The following TXNL1 variants were observed in gnomAD, a reference collection of about 807,000 sequenced individuals.
TXNL1 encodes thioredoxin-like protein 1.
In TXNL1, 14 loss-of-function variants were observed where a neutral mutation model predicts 35.5. The ratio of observed to expected loss-of-function variants is 0.39; its 90% confidence interval spans 0.26 to 0.62. The LOEUF (loss-of-function observed/expected upper bound fraction) is 0.62, where lower values mean the gene tolerates loss of function less well. Ranked by LOEUF, TXNL1 falls within the 20% of genes least tolerant of loss-of-function variation. The probability of loss-of-function intolerance (pLI) is 0.47; values close to 1 mark genes in which losing one functional copy is unlikely to be tolerated. For missense variants in TXNL1, 263 were observed against 349.7 expected (o/e 0.75, Z 1.98); for synonymous variants, 110 against 115.5 (o/e 0.95, Z 0.31).
At chr18:56,620,789 T>G (rs1168832093) in intron 3 of TXNL1, among the ~76,000 whole-genome samples, 1 of 152,248 alleles carries the variant, frequency 6.6e-6, no homozygotes, top group Non-Finnish European at 1.5e-5. Context: ...AAACTTTGTA[T>G]GTCAAGTAAA....
chr18:56,629,828 G>T (rs2024342975), intron 1 of TXNL1, among the ~76,000 whole-genome samples: 1 of 152,116 alleles, frequency 6.6e-6, no homozygotes, highest in Admixed American at 6.5e-5. Flanking sequence ...CAAAAAGAGA[G>T]AATTTATGGG....
In TXNL1 at chr18:56,600,056, C is replaced by T. The variant is rs2144266225; in HGVS notation, c.*2971G>A. 6.6e-6 allele frequency: 1 copy of T among 152,298 alleles called. No homozygotes were observed. The highest frequency in any genetic ancestry group is 1.9e-4 in the East Asian group (1 of 5,186). 9.4% of individuals were successfully genotyped at this position (152,298 alleles called of 1,614,324 possible). A position where few individuals can be genotyped will look rare whatever the true frequency, so the allele number is the denominator to read the frequency against. On this transcript the variant is annotated 3_prime_UTR_variant, in exon 8 of 8. Transcript: ENST00000217515. ...AAGGGTGTAACTAATTTATTCAACT[C>T]CAACACTTTATTCTTATTACAGAAT...
intron 3 of TXNL1, among the ~76,000 whole-genome samples, chr18:56,619,633 G>A (rs1453396240): frequency 6.6e-6 from 1 of 151,238 alleles, no homozygotes; most frequent in East Asian, 1.9e-4. Flanking sequence ...TCAATACTTT[G>A]GATTTTACCG....
intron 1 of TXNL1, 147 bp downstream of exon 1, chr18:56,638,196 C>A: frequency 7.6e-6 from 6 of 784,942 alleles, no homozygotes; most frequent in Non-Finnish European, 1.2e-5. Flanking sequence ...ACCCGAGAAA[C>A]GAGGCCTAAT....
At chr18:56,634,800 T>C (rs1036135114) in intron 1 of TXNL1, among the ~76,000 whole-genome samples, 1 of 152,128 alleles carries the variant, frequency 6.6e-6, no homozygotes, top group Non-Finnish European at 1.5e-5. Context: ...AACAAAAGTA[T>C]AGATAAATTG....
chr18:56,622,024 A>T (rs1288145745), intron 3 of TXNL1, among the ~76,000 whole-genome samples: 3 of 151,724 alleles, frequency 2.0e-5, no homozygotes, highest in Non-Finnish European at 4.4e-5. Context: ...AAAAAAAAAA[A>T]AAAAAATTAA....
At chr18:56,621,204 ATTTTTTT>A (rs34382500) in intron 3 of TXNL1, among the ~76,000 whole-genome samples, 1 of 126,170 alleles carries the variant, frequency 7.9e-6, no homozygotes, top group Admixed American at 8.1e-5. Context: ...ATATATATGT[ATTTTTTT>A]TTTTTTTTTT....
intron 6 of TXNL1, 114 bp downstream of exon 6, chr18:56,614,310 C>T: frequency 2.2e-6 from 2 of 913,436 alleles, no homozygotes; most frequent in Non-Finnish European, 3.2e-6. Context: ...TTACTCATTT[C>T]AAACTGAGTG....
intron 5 of TXNL1, 87 bp from the exon 6 acceptor site, chr18:56,614,683 C>T: frequency 1.8e-6 from 2 of 1,081,828 alleles, no homozygotes; most frequent in South Asian, 1.7e-5. Flanking sequence ...TATACACAGA[C>T]ACACACAAAT....
chr18:56,607,897 A>AT (rs2144282411), intron 7 of TXNL1, among the ~76,000 whole-genome samples: 1 of 152,290 alleles, frequency 6.6e-6, no homozygotes, highest in Non-Finnish European at 1.5e-5. Context: ...AGGTGAAAAT[A>AT]TTGTAAGTCA....
intron 5 of TXNL1, 42 bp downstream of exon 5, chr18:56,616,203 C>T: frequency 6.5e-7 from 1 of 1,543,558 alleles, no homozygotes; most frequent in Non-Finnish European, 8.9e-7. Context: ...AACAGTTCTA[C>T]AAAGCAGAAG....
intron 1 of TXNL1, 101 bp downstream of exon 1, chr18:56,638,242 A>C: frequency 8.0e-7 from 1 of 1,246,256 alleles, no homozygotes; most frequent in Non-Finnish European, 1.1e-6. Context: ...ACTGCCGGAC[A>C]CTCCGGGGCA....
At chr18:56,610,325 A>G (rs1485707549) in intron 7 of TXNL1, 2 of 152,382 alleles carry the variant, frequency 1.3e-5, no homozygotes. Context: ...ACTGTTGCCC[A>G]TTAGAAGTCG....
At chr18:56,607,411 C>G (rs1394832974) in intron 7 of TXNL1, among the ~76,000 whole-genome samples, 1 of 151,856 alleles carries the variant, frequency 6.6e-6, no homozygotes, top group African/African-American at 2.4e-5. Flanking sequence ...CTAGCCTTGG[C>G]CTCCGGAAGT....
intron 3 of TXNL1, among the ~76,000 whole-genome samples, chr18:56,620,652 A>G (rs2024165023): frequency 6.6e-6 from 1 of 152,212 alleles, no homozygotes; most frequent in Non-Finnish European, 1.5e-5. Flanking sequence ...CTCCTAAACA[A>G]GGATTACTTT....
At chr18:56,607,869 A>G (rs1012515758) in intron 7 of TXNL1, among the ~76,000 whole-genome samples, 2 of 152,192 alleles carry the variant, frequency 1.3e-5, no homozygotes, top group African/African-American at 4.8e-5. Context: ...AAAAATAAAA[A>G]TAAGTAAACC....
At chr18:56,630,178 CAGAGCA>C (rs2024348759) in intron 1 of TXNL1, among the ~76,000 whole-genome samples, 1 of 142,080 alleles carries the variant, frequency 7.0e-6, no homozygotes, top group East Asian at 2.0e-4. Context: ...GCCTGGGCAA[CAGAGCA>C]AGACTCCAAC....
At chr18:56,605,681 A>T (rs1025007240) in intron 7 of TXNL1, among the ~76,000 whole-genome samples, 3 of 152,240 alleles carry the variant, frequency 2.0e-5, no homozygotes, top group Admixed American at 6.5e-5. Flanking sequence ...ATTGACAACA[A>T]CAAACAGCCA....
intron 3 of TXNL1, among the ~76,000 whole-genome samples, chr18:56,622,079 T>C (rs2144314427): frequency 6.6e-6 from 1 of 151,704 alleles, no homozygotes; most frequent in Non-Finnish European, 1.5e-5. Context: ...ATGATACTCA[T>C]TAGCCACATG....
Sources: gnomAD v4.1 joint callset for allele counts (sites outside exome capture counted in the v4.1 genomes callset) on GRCh38, gnomAD v4.1.1 for gene constraint, MANE v1.5 for transcripts, NCBI Gene and HGNC (gene_info 2026-07-23, HGNC 2026-07-21) for gene names.